SORBS2: variants seen among roughly 807,000 people sequenced by gnomAD.
The protein encoded by SORBS2 is sorbin and SH3 domain containing 2, also known as sorbin and SH3 domain-containing protein 2.
A neutral mutation model predicts 97.7 loss-of-function variants in SORBS2; 46 were observed. The ratio of observed to expected loss-of-function variants is 0.47; its 90% CI spans 0.37 to 0.60. SORBS2 has a LOEUF of 0.60. SORBS2 is among the 20% of genes least tolerant of loss of function. The pLI is 0.00. For synonymous variants in SORBS2, 476 were observed against 473.4 expected (o/e 1.01, Z -0.07); for missense variants, 1,316 against 1,282.3 (o/e 1.03, Z -0.40).
At chr4:185,832,082 C>T (rs556748111) in intron 1 of SORBS2, among the ~76,000 whole-genome samples, 255 of 152,262 alleles carry the variant, frequency 1.7e-3, no homozygotes, top group Non-Finnish European at 2.7e-3. Flanking sequence ...TTGAAACTTA[C>T]GAATATTAGT....
In SORBS2 at chr4:185,709,304, C is replaced by CCTTTTTTTT. The variant is rs1554199361; in HGVS notation, c.-197-30483_-197-30482insAAAAAAAAG. 5.2e-4 allele frequency among the ~76,000 whole-genome samples: 50 copies of CCTTTTTTTT among 96,758 alleles called. 4 individuals carry two copies. Among genetic ancestry groups the CCTTTTTTTT allele is most frequent in the Non-Finnish European group, 5.7e-4 (28 of 49,212 alleles). The allele number at this position is 96,758 out of a possible 152,430, so 63.5% of individuals were successfully genotyped here. A position where few individuals can be genotyped will look rare whatever the true frequency, so the allele number is the denominator to read the frequency against. On this transcript the variant is annotated intron_variant, in intron 2 of 20. Transcript: ENST00000284776. ...GCATGAGCCGCTGTGCTGGCCAAAT[C>CCTTTTTTTT]TTTTTTTTTTTTTTTTTTTTAGTAA...
chr4:185,663,897 C>T (rs1456574880), intron 4 of SORBS2, among the ~76,000 whole-genome samples: 2 of 141,384 alleles, frequency 1.4e-5, no homozygotes, highest in Non-Finnish European at 3.0e-5. Flanking sequence ...CTCTGTCGCC[C>T]AGGCTGGAGT....
chr4:185,665,101 A>G (rs1043298921), intron 4 of SORBS2, among the ~76,000 whole-genome samples: 3 of 152,342 alleles, frequency 2.0e-5, no homozygotes, highest in Admixed American at 6.5e-5. Flanking sequence ...TAAACAAAAT[A>G]AAAAATGTAT....
intron 1 of SORBS2, among the ~76,000 whole-genome samples, chr4:185,867,112 A>G (rs2099227306): frequency 6.6e-6 from 1 of 152,076 alleles, no homozygotes; most frequent in Non-Finnish European, 1.5e-5. Context: ...CCCAGGTTCA[A>G]GCGATTCTCC....
In SORBS2 at chr4:185,629,564, G is replaced by GTTT. The variant is rs397880846; in HGVS notation, c.446+982_446+984dup. Among the ~76,000 whole-genome samples the GTTT allele has an allele frequency of 2.8e-4, 38 of 135,720 alleles. 2 individuals are homozygous for GTTT. The highest frequency in any genetic ancestry group is 9.2e-4 in the African/African-American group (33 of 35,782). 89.0% of individuals were successfully genotyped at this position (135,720 alleles called of 152,430 possible). On this transcript the variant is annotated intron_variant, in intron 5 of 14. Transcript: ENST00000418609. Reference sequence around the variant, plus strand: ...TGAATATGTCTGAATTTTGTGATTTGTTTTTTTTTTTTTTTTTAGACTGAG... The same window carrying GTTT: ...TGAATATGTCTGAATTTTGTGATTTGTTTTTTTTTTTTTTTTTTTTAGACTGAG...
At chr4:185,603,918 G>C (rs1180711127) in intron 12 of SORBS2, among the ~76,000 whole-genome samples, 1 of 152,160 alleles carries the variant, frequency 6.6e-6, no homozygotes, top group East Asian at 1.9e-4. Flanking sequence ...TTTTGTGGAA[G>C]AACAAGGCTC....
At chr4:185,950,590 G>C (rs1339248544) in intron 1 of SORBS2, among the ~76,000 whole-genome samples, 1 of 152,202 alleles carries the variant, frequency 6.6e-6, no homozygotes, top group South Asian at 2.1e-4. Flanking sequence ...GTGTGGCTCA[G>C]GAGTGATGAA....
chr4:185,912,449 G>C (rs573800578), intron 1 of SORBS2, among the ~76,000 whole-genome samples: 1 of 151,996 alleles, frequency 6.6e-6, no homozygotes, highest in African/African-American at 2.4e-5. Flanking sequence ...GCTGGCTGTG[G>C]TGGTGGGCAC....
intron 1 of SORBS2, among the ~76,000 whole-genome samples, chr4:185,936,694 A>G (rs781724012): frequency 1.1e-4 from 17 of 152,194 alleles, no homozygotes; most frequent in Non-Finnish European, 2.2e-4. Flanking sequence ...CTCTTTGTCA[A>G]GTCACATGTC....
intron 1 of SORBS2, among the ~76,000 whole-genome samples, chr4:185,800,888 A>G (rs1378413017): frequency 4.6e-5 from 7 of 152,172 alleles, no homozygotes; most frequent in Non-Finnish European, 8.8e-5. Flanking sequence ...ATCACTTCTT[A>G]TCTTTTTTGT....
intron 2 of SORBS2, among the ~76,000 whole-genome samples, chr4:185,696,439 C>T (rs5018568): frequency 0.36 from 54,880 of 151,956 alleles, 11,186 homozygotes; most frequent in African/African-American, 0.52. Context: ...TGTGACTTAA[C>T]ATTGGTCCAG....
chr4:185,905,206 G>A (rs1305518624), intron 1 of SORBS2, among the ~76,000 whole-genome samples: 1 of 152,260 alleles, frequency 6.6e-6, no homozygotes, highest in East Asian at 1.9e-4. Flanking sequence ...CAAGCTGGGG[G>A]CCAAAAAACC....
intron 12 of SORBS2, among the ~76,000 whole-genome samples, chr4:185,600,847 G>A (rs568952034): frequency 6.6e-6 from 1 of 152,076 alleles, no homozygotes; most frequent in African/African-American, 2.4e-5. Context: ...TTTTTGGGGG[G>A]AAACATGGTG....
At chr4:185,727,266 C>T (rs548352559) in intron 2 of SORBS2, among the ~76,000 whole-genome samples, 1 of 152,152 alleles carries the variant, frequency 6.6e-6, no homozygotes, top group Non-Finnish European at 1.5e-5. Flanking sequence ...AAGGATTGTC[C>T]ACGTTTGTAT....
chr4:185,617,033 G>A (rs1056723889), intron 9 of SORBS2, among the ~76,000 whole-genome samples: 8 of 152,238 alleles, frequency 5.3e-5, no homozygotes, highest in African/African-American at 1.9e-4. Flanking sequence ...ACAGGCATGA[G>A]CCACCGTGCC....
At chr4:185,845,650 C>T (rs1332834049) in intron 1 of SORBS2, among the ~76,000 whole-genome samples, 1 of 152,022 alleles carries the variant, frequency 6.6e-6, no homozygotes, top group Non-Finnish European at 1.5e-5. Flanking sequence ...AAATATGTAT[C>T]TGATAATAGG....
chr4:185,698,363 C>A (rs1033143988), intron 2 of SORBS2, among the ~76,000 whole-genome samples: 30 of 152,122 alleles, frequency 2.0e-4, no homozygotes, highest in African/African-American at 7.2e-4. Flanking sequence ...GTAGTCCCAG[C>A]TACGTGGGAG....
chr4:185,900,528 C>T (rs1360803679), intron 1 of SORBS2, among the ~76,000 whole-genome samples: 4 of 152,066 alleles, frequency 2.6e-5, no homozygotes, highest in Non-Finnish European at 5.9e-5. Flanking sequence ...TGATAGAATC[C>T]CATTTCTCAT....
At chr4:185,719,970 G>C (rs975058959) in intron 2 of SORBS2, among the ~76,000 whole-genome samples, 4 of 152,198 alleles carry the variant, frequency 2.6e-5, no homozygotes, top group African/African-American at 7.2e-5. Context: ...GTGGGTGTGA[G>C]AGGAAATGCT....
Sources: allele counts gnomAD v4.1 joint callset (sites outside exome capture counted in the v4.1 genomes callset), GRCh38; gene constraint gnomAD v4.1.1; transcripts MANE v1.5; gene names NCBI Gene and HGNC (gene_info 2026-07-23, HGNC 2026-07-21).